The following DHRS12 variants were observed in gnomAD, a reference collection of about 807,000 sequenced individuals.
The protein encoded by DHRS12 is dehydrogenase/reductase SDR family member 12.
A neutral mutation model predicts 32.1 loss-of-function variants in DHRS12; 29 were observed. The observed-to-expected ratio is 0.90, with a 90% confidence interval of 0.67 to 1.23. The LOEUF (loss-of-function observed/expected upper bound fraction) is 1.23. Among genes scored for constraint, DHRS12 ranks in the 50% most tolerant of loss-of-function variants. DHRS12 has a pLI of 0.00. For synonymous variants in DHRS12, 150 were observed against 135.9 expected (o/e 1.10, Z -0.72); for missense variants, 330 against 337.2 (o/e 0.98, Z 0.17).
chr13:51,755,540 T>C, the DHRS12 span: 1 of 1,374,006 alleles, frequency 7.3e-7, no homozygotes, highest in East Asian at 2.4e-5. Flanking sequence ...ATAACACCCC[T>C]GGGTGGGAGT....
chr13:51,784,749 C>T (rs1282071160), intron 4 of DHRS12, among the ~76,000 whole-genome samples: 1 of 152,226 alleles, frequency 6.6e-6, no homozygotes, highest in Non-Finnish European at 1.5e-5. Context: ...GCCTTGGAAG[C>T]ACTGTTCTCT....
chr13:51,772,752 C>T (rs1954089568), intron 6 of DHRS12: 2 of 985,362 alleles, frequency 2.0e-6, no homozygotes, highest in Non-Finnish European at 2.4e-6. Flanking sequence ...TGGCAAAGAA[C>T]TCCATCTCTG....
At chr13:51,787,077 G>A (rs1003662161) in intron 4 of DHRS12, among the ~76,000 whole-genome samples, 2 of 152,120 alleles carry the variant, frequency 1.3e-5, no homozygotes, top group African/African-American at 2.4e-5. Context: ...GCCTCTTTGT[G>A]TATTGTACTA....
At chr13:51,795,849 A>T (rs1024716033) in intron 2 of DHRS12, among the ~76,000 whole-genome samples, 6 of 152,170 alleles carry the variant, frequency 3.9e-5, no homozygotes, top group African/African-American at 1.4e-4. Flanking sequence ...GAAGAAACAC[A>T]TACCTTGGGG....
intron 2 of DHRS12, among the ~76,000 whole-genome samples, chr13:51,797,306 G>A (rs765124553): frequency 9.9e-5 from 15 of 152,018 alleles, no homozygotes; most frequent in Non-Finnish European, 2.1e-4. Context: ...TTTTCATTTT[G>A]CACCGAGCCC....
intron 1 of DHRS12, among the ~76,000 whole-genome samples, chr13:51,800,830 C>T (rs1196469894): frequency 6.6e-6 from 1 of 152,244 alleles, no homozygotes; most frequent in Non-Finnish European, 1.5e-5. Flanking sequence ...GAAAAATGTT[C>T]CTGTTTTCAC....
At chr13:51,787,454 T>C (rs1212492792) in intron 4 of DHRS12, among the ~76,000 whole-genome samples, 4 of 151,930 alleles carry the variant, frequency 2.6e-5, no homozygotes, top group East Asian at 1.9e-4. Flanking sequence ...TTAGCACTTA[T>C]TTAGGATAAC....
intron 1 of DHRS12, among the ~76,000 whole-genome samples, chr13:51,803,045 T>C (rs1262011629): frequency 6.6e-6 from 1 of 152,206 alleles, no homozygotes; most frequent in Non-Finnish European, 1.5e-5. Flanking sequence ...AGGCTGCCAC[T>C]GTATTCCCCT....
intron 2 of DHRS12, among the ~76,000 whole-genome samples, chr13:51,791,842 A>G (rs1955287844): frequency 6.6e-6 from 1 of 152,212 alleles, no homozygotes; most frequent in African/African-American, 2.4e-5. Flanking sequence ...CACATAAGTG[A>G]AATCGAATAG....
intron 4 of DHRS12, among the ~76,000 whole-genome samples, chr13:51,784,097 T>C (rs1177864359): frequency 6.6e-6 from 1 of 152,186 alleles, no homozygotes; most frequent in Non-Finnish European, 1.5e-5. Flanking sequence ...TTGAGGACAT[T>C]TGTACAGAGT....
rs1425662353 is a variant in DHRS12, at chr13:51,768,241, G to C, written c.753C>G (p.Ala251=). 2.6e-6 allele frequency: 4 copies of C among 1,535,976 alleles called. No homozygotes were observed. The highest frequency in any genetic ancestry group is 2.0e-5 in the Admixed American group (1 of 50,984). The change falls in exon 9 of 9, where the codon GCC becomes GCG. Residue 251 remains alanine, a synonymous_variant. Transcript: ENST00000444610. Reference sequence around the variant, plus strand: ...GGATTTCAATGAGTTTCTCCTCTTCGGCCGGTGAGGAGGACGCTGTAGCGA... The same window carrying C: ...GGATTTCAATGAGTTTCTCCTCTTCCGCCGGTGAGGAGGACGCTGTAGCGA... ...LPLATASSSP[A]EEEKLIEILE...
chr13:51,786,786 A>C (rs1193792588), intron 4 of DHRS12, among the ~76,000 whole-genome samples: 1 of 152,250 alleles, frequency 6.6e-6, no homozygotes, highest in Non-Finnish European at 1.5e-5. Flanking sequence ...CGCTCTCCTC[A>C]GAGTATCAGG....
intron 1 of DHRS12, among the ~76,000 whole-genome samples, chr13:51,800,911 C>T (rs527492036): frequency 6.6e-6 from 1 of 152,336 alleles, no homozygotes; most frequent in South Asian, 2.1e-4. Flanking sequence ...CTGTGAGTGG[C>T]AAGCAAGACT....
chr13:51,783,651 C>T (rs1479218863), intron 4 of DHRS12, among the ~76,000 whole-genome samples: 11 of 152,134 alleles, frequency 7.2e-5, no homozygotes, highest in Admixed American at 5.2e-4. Flanking sequence ...TCACACCCTC[C>T]TCCTGCCCCT....
At chr13:51,796,027 C>T (rs563575004) in intron 2 of DHRS12, among the ~76,000 whole-genome samples, 52 of 152,290 alleles carry the variant, frequency 3.4e-4, no homozygotes, top group African/African-American at 5.3e-4. Context: ...GTTTGGCATA[C>T]GGTTCACCCT....
intron 7 of DHRS12, 34 bp downstream of exon 7, chr13:51,771,787 G>GT (rs745744996): frequency 9.3e-6 from 15 of 1,609,270 alleles, no homozygotes; most frequent in East Asian, 2.2e-5. Flanking sequence ...TAGATGAAAC[G>GT]TAAGTGGCTC....
At chr13:51,767,953 T>TAAA, downstream of DHRS12, 1 of 1,326,830 alleles carries the variant, frequency 7.5e-7, no homozygotes, top group Non-Finnish European at 9.7e-7. Flanking sequence ...CATTCTCGAA[T>TAAA]AAATGAGACT....
chr13:51,773,870 G>A, intron 6 of DHRS12, 60 bp downstream of exon 6: 1 of 1,427,388 alleles, frequency 7.0e-7, no homozygotes, highest in Non-Finnish European at 9.9e-7. Flanking sequence ...AGCTTTCCTT[G>A]GAAAAGGGCC....
At chr13:51,765,449 T>A (rs1014032922), downstream of DHRS12, 7 of 152,198 alleles carry the variant, frequency 4.6e-5, no homozygotes, top group Non-Finnish European at 1.0e-4. Context: ...ACCAGGGAAT[T>A]TTTTTAACAC....
Sources: allele counts gnomAD v4.1 joint callset (sites outside exome capture counted in the v4.1 genomes callset), GRCh38; gene constraint gnomAD v4.1.1; transcripts MANE v1.5; gene names NCBI Gene and HGNC (gene_info 2026-07-23, HGNC 2026-07-21).